Variants in FBRSL1 observed in about 807,000 individuals in gnomAD.
FBRSL1 encodes the protein fibrosin-1-like protein.
FBRSL1 carries 51 observed loss-of-function variants against 89.6 expected under a neutral mutation model. The ratio of observed to expected loss-of-function variants is 0.57; its 90% CI spans 0.45 to 0.72. The LOEUF is 0.72. Ranked by LOEUF, FBRSL1 falls within the 30% of genes least tolerant of loss-of-function variation. The pLI, the probability that FBRSL1 is intolerant of heterozygous loss-of-function variation, is 0.00. For synonymous variants in FBRSL1, 779 were observed against 681.1 expected, an observed-to-expected ratio of 1.14 and a Z score of -2.24; for missense variants, 1,618 against 1,451.8, an observed-to-expected ratio of 1.11 and a Z score of -1.86.
intron 4 of FBRSL1, among the ~76,000 whole-genome samples, chr12:132,534,144 A>G (rs1407072095): frequency 6.6e-6 from 1 of 152,156 alleles, no homozygotes; most frequent in East Asian, 1.9e-4. Flanking sequence ...CCCAAGCACC[A>G]CCACTCAGCC....
intron 2 of FBRSL1, chr12:132,509,181 G>A (rs114165486): frequency 2.4e-6 from 3 of 1,245,616 alleles, no homozygotes; most frequent in South Asian, 8.2e-5. Flanking sequence ...CTCCCCAGAA[G>A]GGGGGCCGCT....
At chr12:132,509,048 CCCCCTTGGG>C in intron 2 of FBRSL1, 1 of 1,221,110 alleles carries the variant, frequency 8.2e-7, no homozygotes, top group Non-Finnish European at 1.0e-6. Context: ...CTCTCCTCGG[CCCCCTTGGG>C]AATTGGGCTG....
chr12:132,490,682 C>A lies in FBRSL1; in HGVS notation c.112C>A (p.Pro38Thr). 1.0e-6 allele frequency: 1 copy of A among 1,000,730 alleles called. No individual in the cohort carries two copies. Among genetic ancestry groups the A allele is most frequent in the South Asian group, 3.8e-5 (1 of 26,104 alleles). The allele number at this position is 1,000,730 out of a possible 1,614,324, so 62.0% of individuals were successfully genotyped here. ...RAQSPSSGDE[P>T]EPSPGKENAG... is the part of the protein sequence containing the mutation. ...CCAGAGTCCGTCGTCGGGCGACGAG[C>A]CCGAGCCCAGCCCCGGCAAGGAGAA... The change falls in exon 1 of 19, where the codon CCC becomes ACC. Residue 38 changes from proline (P) to threonine (T), a missense_variant. Pro to Thr is a conservative substitution (Grantham distance 38, BLOSUM62 -1). Transcript: ENST00000680143.
At chr12:132,491,792 A>C (rs1216572258) in intron 1 of FBRSL1, among the ~76,000 whole-genome samples, 2 of 152,270 alleles carry the variant, frequency 1.3e-5, no homozygotes, top group East Asian at 3.8e-4. Context: ...GGGACTGTAG[A>C]GAGCCTTGGG....
chr12:132,550,792 C>T (rs1019280745), intron 5 of FBRSL1: 3 of 155,388 alleles, frequency 1.9e-5, no homozygotes, highest in Non-Finnish European at 1.4e-5. Flanking sequence ...TCCGTTTCCC[C>T]ATGGCATCCA....
intron 2 of FBRSL1, chr12:132,510,121 C>G: frequency 8.2e-7 from 1 of 1,224,886 alleles, no homozygotes; most frequent in Non-Finnish European, 1.0e-6. Context: ...CAGCCCTGCC[C>G]ACCCAAGCGG....
chr12:132,547,156 C>CG (rs1317312634), intron 4 of FBRSL1, among the ~76,000 whole-genome samples: 1 of 151,690 alleles, frequency 6.6e-6, no homozygotes, highest in African/African-American at 2.4e-5. Context: ...AAACGGAGAA[C>CG]GGACAGTCAG....
rs2137894149 is a variant in FBRSL1, at chr12:132,571,129, TCTGATTGGTA to T, written c.1278_1287del (p.Ile427GlyfsTer48). On this transcript the variant is annotated frameshift_variant, in exon 9 of 19. Transcript: ENST00000680143. LOFTEE classifies it high-confidence loss of function. ...TGTATTGCCAGCCTCATTCGGGAAT[TCTGATTGGTA>T]CTTGGTCACAGGCTCCTCTCTTACC... 1 of 1,371,814 alleles carries T rather than the reference TCTGATTGGTA, an allele frequency of 7.3e-7. No homozygotes were observed. The highest frequency in any genetic ancestry group is 3.0e-5 in the Admixed American group (1 of 32,900). 85.0% of individuals were successfully genotyped at this position (1,371,814 alleles called of 1,614,324 possible).
Position 132,572,583 on chromosome 12 carries a change from C to T in FBRSL1, c.1491C>T (p.Pro497=), listed in dbSNP as rs1404966494. The T allele has an allele frequency of 7.7e-6, 12 of 1,551,106 alleles. No individual in the cohort carries two copies. Among genetic ancestry groups the T allele is most frequent in the Admixed American group, 5.9e-5 (3 of 50,986 alleles). Residue 497 remains proline, a synonymous_variant, in exon 11 of 19, where the codon CCC becomes CCT. Coordinates refer to ENST00000680143, the MANE Select transcript of FBRSL1 (RefSeq NM_001367871.1). Reference sequence around the variant, plus strand: ...GACTGCCCACCCTGCTCCCACACCCCGGCCCCTTCGGGTCCCTGCAGGGCG... The same window carrying T: ...GACTGCCCACCCTGCTCCCACACCCTGGCCCCTTCGGGTCCCTGCAGGGCG... ...IPGLPTLLPH[P]GPFGSLQGAF...
At chr12:132,519,271 G>T (rs555236584) in intron 2 of FBRSL1, among the ~76,000 whole-genome samples, 3 of 152,390 alleles carry the variant, frequency 2.0e-5, no homozygotes, top group South Asian at 4.1e-4. Flanking sequence ...ACACTTAGGG[G>T]ACTGTGGGAG....
intron 1 of FBRSL1, among the ~76,000 whole-genome samples, chr12:132,505,474 C>T (rs946833891): frequency 2.6e-5 from 4 of 152,206 alleles, no homozygotes; most frequent in Non-Finnish European, 4.4e-5. Context: ...GCCCCACCCC[C>T]ACCCGTGGTC....
At chr12:132,581,676 C>T in intron 16 of FBRSL1, 65 bp from the exon 17 acceptor site, 1 of 1,522,922 alleles carries the variant, frequency 6.6e-7, no homozygotes, top group East Asian at 2.5e-5. Flanking sequence ...GCAGCCCCCA[C>T]TGGGCCAGGT....
chr12:132,526,939 A>G (rs2035834922), intron 3 of FBRSL1, among the ~76,000 whole-genome samples: 1 of 151,724 alleles, frequency 6.6e-6, no homozygotes, highest in Non-Finnish European at 1.5e-5. Context: ...ACCTCACAAC[A>G]CCCACTCGAG....
In FBRSL1 at chr12:132,525,839, C is replaced by T; in HGVS notation, c.579+16C>T. The T allele has an allele frequency of 1.3e-6, 2 of 1,537,820 alleles. No homozygotes were observed. The highest frequency in any genetic ancestry group is 1.8e-6 in the Non-Finnish European group (2 of 1,136,718). The stretch of plus-strand genomic sequence containing the variant: ...GCTCAGCGATGTGAGTACCCAGCTG[C>T]CCGCGCCCGGAGGCTCCGAGTCTGG... On this transcript the variant is annotated intron_variant, in intron 3 of 18. Transcript: ENST00000680143.
intron 11 of FBRSL1, among the ~76,000 whole-genome samples, chr12:132,573,822 G>A (rs758879713): frequency 3.3e-5 from 5 of 152,188 alleles, no homozygotes; most frequent in Admixed American, 6.5e-5. Flanking sequence ...TCTGGGTGGG[G>A]CTGTCTCGGC....
At chr12:132,496,118 G>A (rs1256975365) in intron 1 of FBRSL1, among the ~76,000 whole-genome samples, 1 of 152,244 alleles carries the variant, frequency 6.6e-6, no homozygotes, top group Admixed American at 6.5e-5. Flanking sequence ...GCACCTTCGC[G>A]TTTGGGGCCT....
At chr12:132,545,625 G>C (rs945190522) in intron 4 of FBRSL1, among the ~76,000 whole-genome samples, 4 of 152,208 alleles carry the variant, frequency 2.6e-5, no homozygotes, top group Non-Finnish European at 5.9e-5. Context: ...CCGTAACCAG[G>C]TCCGGGCTTG....
intron 2 of FBRSL1, among the ~76,000 whole-genome samples, chr12:132,525,386 G>T (rs1054953469): frequency 6.6e-6 from 1 of 152,196 alleles, no homozygotes; most frequent in East Asian, 1.9e-4. Context: ...CAAAGTCAGC[G>T]GCTTGTGGAA....
intron 4 of FBRSL1, among the ~76,000 whole-genome samples, chr12:132,529,967 C>T (rs189853514): frequency 2.7e-4 from 41 of 152,342 alleles, no homozygotes; most frequent in Admixed American, 3.3e-4. Context: ...CACCTGTGCG[C>T]GGGGGCAACC....
Sources: allele counts gnomAD v4.1 joint callset (sites outside exome capture counted in the v4.1 genomes callset), GRCh38; gene constraint gnomAD v4.1.1; transcripts MANE v1.5; gene names NCBI Gene and HGNC (gene_info 2026-07-23, HGNC 2026-07-21).